The following TRIM37 variants were observed in gnomAD, a reference collection of about 807,000 sequenced individuals.
TRIM37 encodes E3 ubiquitin-protein ligase TRIM37.
Under a neutral mutation model 129.8 loss-of-function variants are expected in TRIM37, and 80 were observed. The ratio of observed to expected loss-of-function variants is 0.62; its 90% CI spans 0.51 to 0.74. TRIM37 has a LOEUF of 0.74. TRIM37 is among the 30% of genes least tolerant of loss of function. TRIM37 has a pLI of 0.00. For missense variants in TRIM37, 1,054 were observed against 1,176.5 expected, an observed-to-expected ratio of 0.90 and a Z score of 1.52; for synonymous variants, 389 against 387.1, an observed-to-expected ratio of 1.00 and a Z score of -0.06.
intron 22 of TRIM37, among the ~76,000 whole-genome samples, chr17:59,002,056 G>A (rs2033850865): frequency 6.6e-6 from 1 of 151,678 alleles, no homozygotes; most frequent in Non-Finnish European, 1.5e-5. Flanking sequence ...GAGATAACAG[G>A]AACTCTTTTA....
At chr17:59,051,153 C>T (rs2040303867) in intron 14 of TRIM37, 61 bp downstream of exon 14, 1 of 1,043,760 alleles carries the variant, frequency 9.6e-7, no homozygotes, top group South Asian at 1.4e-5. Context: ...AATCTAATTA[C>T]AAATATAACA....
At chr17:59,101,066 C>G (rs1022496912) in intron 2 of TRIM37, among the ~76,000 whole-genome samples, 1 of 150,906 alleles carries the variant, frequency 6.6e-6, no homozygotes, top group Admixed American at 6.6e-5. Context: ...AAACTGTACA[C>G]TTTAAATATG....
chr17:59,041,333 T>G (rs901417801), intron 17 of TRIM37, among the ~76,000 whole-genome samples: 2 of 152,176 alleles, frequency 1.3e-5, no homozygotes, highest in Admixed American at 1.3e-4. Flanking sequence ...CTGAAAACTA[T>G]AAAATGAGCT....
At chr17:59,012,247 A>G (rs2035370811) in intron 22 of TRIM37, 81 bp downstream of exon 22, 1 of 836,036 alleles carries the variant, frequency 1.2e-6, no homozygotes, top group African/African-American at 1.7e-5. Context: ...CACCACCACC[A>G]CCACCACCAC....
At chr17:59,042,656 G>A (rs915319037) in intron 16 of TRIM37, among the ~76,000 whole-genome samples, 3 of 150,526 alleles carry the variant, frequency 2.0e-5, no homozygotes, top group Non-Finnish European at 3.0e-5. Flanking sequence ...CCAGCTCCTC[G>A]GGAGGCTGAG....
At chr17:59,069,954 T>C (rs1324803553) in intron 9 of TRIM37, among the ~76,000 whole-genome samples, 1 of 152,234 alleles carries the variant, frequency 6.6e-6, no homozygotes, top group South Asian at 2.1e-4. Context: ...ACCCTGATCT[T>C]GGAATTCTTG....
chr17:59,050,607 G>T (rs1324890091), intron 14 of TRIM37, among the ~76,000 whole-genome samples: 1 of 152,032 alleles, frequency 6.6e-6, no homozygotes, highest in African/African-American at 2.4e-5. Context: ...ACCCGAGCTT[G>T]GGAAGTTGAA....
chr17:59,095,378 C>T (rs1209328114), intron 2 of TRIM37, among the ~76,000 whole-genome samples: 1 of 151,848 alleles, frequency 6.6e-6, no homozygotes, highest in Non-Finnish European at 1.5e-5. Context: ...TTGGATTTAG[C>T]AAAACTGAGT....
chr17:58,974,072 G>A, the TRIM37 span, among the ~76,000 whole-genome samples: 5 of 151,932 alleles, frequency 3.3e-5, no homozygotes, highest in African/African-American at 1.2e-4. Flanking sequence ...AGGCTGCAGT[G>A]AGCCAAGATT....
At chr17:59,026,584 A>G (rs890283504) in intron 19 of TRIM37, among the ~76,000 whole-genome samples, 4 of 152,214 alleles carry the variant, frequency 2.6e-5, no homozygotes, top group Non-Finnish European at 5.9e-5. Flanking sequence ...ACCCAACCCA[A>G]TTTTAAAATG....
chr17:59,102,187 C>T (rs534368103), intron 2 of TRIM37, among the ~76,000 whole-genome samples: 211 of 152,162 alleles, frequency 1.4e-3, no homozygotes, highest in Non-Finnish European at 2.3e-3. Flanking sequence ...TCAAATTTCC[C>T]AAAGTAGGTG....
At chr17:58,981,079 C>A, downstream of TRIM37, 3 of 1,304,964 alleles carry the variant, frequency 2.3e-6, no homozygotes, top group Non-Finnish European at 3.2e-6. Context: ...AAAAATACCA[C>A]TATCAGAGTA....
At chr17:59,023,234 C>A (rs1407829155) in intron 19 of TRIM37, among the ~76,000 whole-genome samples, 1 of 152,106 alleles carries the variant, frequency 6.6e-6, no homozygotes, top group East Asian at 1.9e-4. Context: ...TGCCATCATG[C>A]CCAGGTAATT....
At chr17:58,971,152 A>T in the TRIM37 span, among the ~76,000 whole-genome samples, 1 of 152,132 alleles carries the variant, frequency 6.6e-6, no homozygotes. Context: ...GTTATGAAGC[A>T]GCCCTGCCTC....
intron 12 of TRIM37, among the ~76,000 whole-genome samples, chr17:59,058,408 G>C (rs1460377003): frequency 6.6e-6 from 1 of 152,162 alleles, no homozygotes; most frequent in East Asian, 1.9e-4. Context: ...AAAAGGAGAG[G>C]AGCAGAAAAG....
intron 2 of TRIM37, among the ~76,000 whole-genome samples, chr17:59,102,966 G>A (rs1287776852): frequency 1.1e-4 from 17 of 151,868 alleles, no homozygotes; most frequent in African/African-American, 3.4e-4. Context: ...TCTGCCTCCC[G>A]GGTTCAAGTG....
intron 14 of TRIM37, among the ~76,000 whole-genome samples, chr17:59,049,811 C>T (rs1217231992): frequency 6.6e-6 from 1 of 152,090 alleles, no homozygotes; most frequent in Non-Finnish European, 1.5e-5. Flanking sequence ...TTTCTTAAAC[C>T]ATTTCTCTGA....
chr17:59,062,769 G>C (rs1314989613), intron 10 of TRIM37, 121 bp from the exon 11 acceptor site: 2 of 787,344 alleles, frequency 2.5e-6, no homozygotes, highest in Non-Finnish European at 4.4e-6. Context: ...AAATAACAAG[G>C]TGACTGAACA....
the TRIM37 span, among the ~76,000 whole-genome samples, chr17:58,974,529 C>T: frequency 6.6e-6 from 1 of 151,940 alleles, no homozygotes. Context: ...CTGTCTTTGT[C>T]TCACTTTGGG....
Sources: allele counts gnomAD v4.1 joint callset (sites outside exome capture counted in the v4.1 genomes callset), GRCh38; gene constraint gnomAD v4.1.1; transcripts MANE v1.5; gene names NCBI Gene and HGNC (gene_info 2026-07-23, HGNC 2026-07-21).